Variants in RNF212 observed in about 807,000 individuals in gnomAD.
RNF212 encodes the protein probable E3 SUMO-protein ligase RNF212.
RNF212 carries 33 observed loss-of-function variants against 34.7 expected under a neutral mutation model. That is an observed-to-expected ratio of 0.95 (90% confidence interval 0.72 to 1.27). The LOEUF is 1.27. RNF212 is among the 50% of genes most tolerant of loss of function. The pLI, the probability that RNF212 is intolerant of heterozygous loss-of-function variation, is 0.00. For missense variants in RNF212, 377 were observed against 362.2 expected (o/e 1.04, Z -0.33); for synonymous variants, 140 against 136.1 (o/e 1.03, Z -0.20).
intron 4 of RNF212, among the ~76,000 whole-genome samples, chr4:1,087,009 T>G (rs1021009421): frequency 0.022 from 12 of 556 alleles, no homozygotes; most frequent in East Asian, 0.045. Context: ...GAAGATGGGG[T>G]GGGGGAGAGA....
chr4:1,056,456 C>A, exon 5 of RNF212: 1 of 964,026 alleles, frequency 1.0e-6, no homozygotes, highest in Non-Finnish European at 1.2e-6. Flanking sequence ...GCATGGAAGT[C>A]GCGGTAAAAA....
At chr4:1,112,297 A>T (rs573827911) in intron 1 of RNF212, among the ~76,000 whole-genome samples, 1 of 152,286 alleles carries the variant, frequency 6.6e-6, no homozygotes, top group Non-Finnish European at 1.5e-5. Flanking sequence ...GTAGGGCTGC[A>T]TTCACTAAGG....
rs1374848290 is a variant in RNF212 at position 1,062,158 on chromosome 4, A to C, written n.148-3765T>G. Among the ~76,000 whole-genome samples, 8 of 152,310 alleles carry C rather than the reference A, an allele frequency of 5.3e-5. No individual in the cohort carries two copies. In the South Asian group the frequency reaches 8.3e-4, roughly 16 times the overall value. On this transcript the variant is annotated intron_variant and non_coding_transcript_variant, in intron 3 of 4. Coordinates refer to the RNF212 transcript ENST00000503206. ...GGACAGAATGAGGTCCTGACACCAA[A>C]AGCAGACAGAAACGTTACAAGGAAA... is the stretch of plus-strand genomic sequence containing the variant.
At chr4:1,095,472 C>T (rs1722931138) in intron 3 of RNF212, among the ~76,000 whole-genome samples, 1 of 46,900 alleles carries the variant, frequency 2.1e-5, no homozygotes, top group Admixed American at 1.9e-4. Context: ...TCCACGGTCT[C>T]GGGATAGCGC....
In RNF212 at chr4:1,081,581, T is replaced by C. The variant is rs775966266; in HGVS notation, c.401A>G (p.Lys134Arg). The C allele has an allele frequency of 6.2e-7, 1 of 1,611,192 alleles. No homozygotes were observed. The highest frequency in any genetic ancestry group is 8.5e-7 in the Non-Finnish European group (1 of 1,177,414). The change falls in exon 6 of 10, where the codon AAA (lysine) becomes AGA (arginine). Residue 134 changes from lysine (K) to arginine (R), a missense_variant. By Grantham distance (26) the Lys-to-Arg change is conservative (BLOSUM62 2). Transcript: ENST00000433731. ...SSQQTAFSTIKSSVSTKPHGC... is the reference protein window; with the variant it reads ...SSQQTAFSTIRSSVSTKPHGC... ...ATTTTACTTACTTGAAACTGAACTT[T>C]TTATTGTGCTGAAAGCTGTTTGTTG...
intron 4 of RNF212, 82 bp downstream of exon 4, chr4:1,090,700 G>A (rs1320591120): frequency 3.7e-6 from 3 of 803,352 alleles, no homozygotes; most frequent in Non-Finnish European, 6.7e-6. Flanking sequence ...TCCCCTTTGA[G>A]AGCAAGGTGT....
rs1433511659 is a variant in RNF212 at position 1,085,952 on chromosome 4, A to C, written c.306T>G (p.Ile102Met). ...TCCTAAGGGATTCTTCCAACCTAGA[A>C]ATCTAAACATAATTACACAACCTCT... The part of the protein sequence containing the change: ...KRLLAFYREK[I>M]SRLEESLRKS... Residue 102 changes from isoleucine to methionine, a missense_variant and splice_region_variant, in exon 5 of 10, where the codon ATT (isoleucine) becomes ATG (methionine). Physicochemically the swap from Ile to Met is conservative, Grantham distance 10. Transcript: ENST00000433731. 1.2e-6 allele frequency: 2 copies of C among 1,604,512 alleles called. No individual in the cohort carries two copies. The highest frequency in any genetic ancestry group is 2.7e-5 in the African/African-American group (2 of 74,716).
At chr4:1,079,219 C>T (rs71604347) in intron 8 of RNF212, among the ~76,000 whole-genome samples, 42,128 of 129,632 alleles carry the variant, frequency 0.32, 7,988 homozygotes, top group Non-Finnish European at 0.44. Flanking sequence ...AGAGTCAACA[C>T]AGGACCAACA....
chr4:1,081,694 G>A (rs1244845632), intron 5 of RNF212, 75 bp from the exon 6 acceptor site: 8 of 1,014,680 alleles, frequency 7.9e-6, no homozygotes, highest in Non-Finnish European at 1.1e-5. Context: ...AACTGAAAGT[G>A]TAAGAAGGCT....
Position 1,085,935 on chromosome 4 carries a change from G to A in RNF212, c.323C>T (p.Ser108Phe), listed in dbSNP as rs1169976264. 6.2e-7 allele frequency: 1 copy of A among 1,611,314 alleles called. No homozygotes were observed. The highest frequency in any genetic ancestry group is 8.5e-7 in the Non-Finnish European group (1 of 1,178,232). The change falls in exon 5 of 10, where the codon TCC becomes TTC. Residue 108 changes from serine (S) to phenylalanine (F), a missense_variant. Coordinates refer to ENST00000433731, the MANE Select transcript of RNF212 (RefSeq NM_001131034.4). ...TATCTGCAGCACTGACTTCCTAAGG[G>A]ATTCTTCCAACCTAGAAATCTAAAC... ...YREKISRLEE[S>F]LRKSVLQIEQ... is the part of the protein sequence containing the mutation.
intron 1 of RNF212, among the ~76,000 whole-genome samples, chr4:1,111,415 G>A (rs1246988057): frequency 6.6e-6 from 1 of 152,096 alleles, no homozygotes; most frequent in Non-Finnish European, 1.5e-5. Flanking sequence ...ACAGGATACA[G>A]GCCGTGTCCA....
chr4:1,056,925 C>G, intron 4 of RNF212: 1 of 987,828 alleles, frequency 1.0e-6, no homozygotes, highest in African/African-American at 1.7e-5. Flanking sequence ...CTTGGAGAGT[C>G]CCCTCTTCCT....
chr4:1,102,323 C>T (rs1007927011), intron 2 of RNF212, among the ~76,000 whole-genome samples: 4 of 152,194 alleles, frequency 2.6e-5, no homozygotes, highest in African/African-American at 9.7e-5. Flanking sequence ...GAAATCCAGG[C>T]ATACTAAAGT....
downstream of RNF212, among the ~76,000 whole-genome samples, chr4:1,071,050 C>T (rs1280020235): frequency 1.4e-5 from 2 of 147,658 alleles, no homozygotes; most frequent in Non-Finnish European, 3.0e-5. Flanking sequence ...TTTTTAAATA[C>T]TGTTATTACA....
chr4:1,073,050 T>C lies in RNF212; in HGVS notation c.718A>G (p.Ser240Gly), dbSNP rs1260133045. The part of the protein sequence containing the change: ...CPHWLLLLAF[S>G]SGRHGELTNS... ...GTGAGTTCCCCGTGCCTTCCAGAAC[T>C]GAACGCTAGGAGGAGCAGCCAGTGA... The change falls in exon 10 of 10, where the codon AGT (serine) becomes GGT (glycine). Residue 240 changes from serine to glycine, a missense_variant. Coordinates refer to ENST00000433731, the MANE Select transcript of RNF212 (RefSeq NM_001131034.4). 1 of 1,614,072 alleles carries C rather than the reference T, an allele frequency of 6.2e-7. No homozygotes were observed. The highest frequency in any genetic ancestry group is 8.5e-7 in the Non-Finnish European group (1 of 1,179,968).
At chr4:1,060,982 G>A (rs1717712659) in intron 3 of RNF212, among the ~76,000 whole-genome samples, 1 of 152,224 alleles carries the variant, frequency 6.6e-6, no homozygotes, top group Admixed American at 6.5e-5. Context: ...GAAGCCAAGT[G>A]CGAAACTGGA....
intron 5 of RNF212, among the ~76,000 whole-genome samples, chr4:1,085,279 C>T (rs935390927): frequency 1.3e-5 from 2 of 152,244 alleles, no homozygotes; most frequent in African/African-American, 4.8e-5. Flanking sequence ...TGCAGTAAAA[C>T]TGTATTCAGA....
chr4:1,080,684 C>G (rs1216641277), intron 7 of RNF212, among the ~76,000 whole-genome samples: 1 of 150,612 alleles, frequency 6.6e-6, no homozygotes, highest in African/African-American at 2.5e-5. Context: ...CCCACGAGAC[C>G]CCTCTCTGCC....
At chr4:1,106,299 GAC>G (rs1724831313) in intron 2 of RNF212, among the ~76,000 whole-genome samples, 1 of 147,278 alleles carries the variant, frequency 6.8e-6, no homozygotes, top group South Asian at 2.3e-4. Flanking sequence ...CAGTCACTCA[GAC>G]ACAGAGAAAA....
Sources: allele counts gnomAD v4.1 joint callset (sites outside exome capture counted in the v4.1 genomes callset), GRCh38; gene constraint gnomAD v4.1.1; transcripts MANE v1.5; gene names NCBI Gene and HGNC (gene_info 2026-07-23, HGNC 2026-07-21).